Variants in PUM2 observed in about 807,000 individuals in gnomAD.
The protein encoded by PUM2 is pumilio RNA binding family member 2, also known as pumilio homolog 2.
Under a neutral mutation model 124.5 loss-of-function variants are expected in PUM2, and 57 were observed. The ratio of observed to expected loss-of-function variants is 0.46; its 90% CI spans 0.37 to 0.57. The LOEUF is 0.57. Ranked by LOEUF, PUM2 falls within the 20% of genes least tolerant of loss-of-function variation. The pLI, the probability that PUM2 is intolerant of heterozygous loss-of-function variation, is 0.00. For synonymous variants in PUM2, 460 were observed against 446.1 expected, an observed-to-expected ratio of 1.03 and a Z score of -0.39; for missense variants, 1,065 against 1,290.6, an observed-to-expected ratio of 0.83 and a Z score of 2.68.
chr2:20,314,583 T>C (rs371896627), intron 3 of PUM2, among the ~76,000 whole-genome samples: 21 of 152,194 alleles, frequency 1.4e-4, no homozygotes, highest in South Asian at 8.3e-4. Flanking sequence ...TACTCAATAT[T>C]TAAACTATTG....
At chr2:20,252,986 T>C (rs1663820207) in intron 20 of PUM2, among the ~76,000 whole-genome samples, 1 of 152,222 alleles carries the variant, frequency 6.6e-6, no homozygotes, top group Non-Finnish European at 1.5e-5. Flanking sequence ...GATGAGTATA[T>C]GGGAGGATAT....
chr2:20,327,211 C>T, intron 2 of PUM2, 99 bp downstream of exon 2: 2 of 775,800 alleles, frequency 2.6e-6, no homozygotes, highest in Non-Finnish European at 4.4e-6. Flanking sequence ...GAAGATATGA[C>T]CACTATTTCC....
chr2:20,252,911 TATC>T (rs1663794390), intron 20 of PUM2, among the ~76,000 whole-genome samples: 1 of 152,238 alleles, frequency 6.6e-6, no homozygotes, highest in Non-Finnish European at 1.5e-5. Flanking sequence ...ATTTTTTACT[TATC>T]ATTACAGTAT....
intron 8 of PUM2, among the ~76,000 whole-genome samples, chr2:20,295,739 C>T (rs1675377833): frequency 6.6e-6 from 1 of 152,282 alleles, no homozygotes; most frequent in South Asian, 2.1e-4. Context: ...CTCATCCAAC[C>T]TAGCCAGGAG....
Position 20,263,357 on chromosome 2 carries a change from G to A in PUM2, c.2061C>T (p.Ser687=). The A allele has an allele frequency of 6.2e-7, 1 of 1,614,168 alleles. No individual in the cohort carries two copies. Among genetic ancestry groups the A allele is most frequent in the South Asian group, 1.1e-5 (1 of 91,082 alleles). ...GAAGCCGGGAAGGAGGAAAGAGCTG[G>A]CTGCTGGAGCTAAATAGACTGGAAG... The part of the protein sequence containing the change: ...SSTSSLFSSS[S]QLFPPSRLRY... Residue 687 remains serine, a synonymous_variant, in exon 14 of 21, where the codon AGC becomes AGT. Transcript: ENST00000361078.
At chr2:20,314,407 A>G (rs993186695) in intron 3 of PUM2, among the ~76,000 whole-genome samples, 3 of 152,178 alleles carry the variant, frequency 2.0e-5, no homozygotes, top group African/African-American at 7.2e-5. Flanking sequence ...TTTTTTCTCC[A>G]TACTTTTGCA....
intron 14 of PUM2, among the ~76,000 whole-genome samples, chr2:20,262,952 C>T (rs569472239): frequency 6.6e-6 from 1 of 152,044 alleles, no homozygotes; most frequent in African/African-American, 2.4e-5. Flanking sequence ...ATGGAGGGGG[C>T]CCTGCTATAT....
upstream of PUM2, chr2:20,350,850 C>A (rs181811042): frequency 4.2e-6 from 4 of 960,880 alleles, no homozygotes; most frequent in Admixed American, 6.2e-5. Context: ...CCCCTCCCCC[C>A]CGCCCACCGG....
chr2:20,350,491 C>T, intron 1 of PUM2, 106 bp downstream of exon 1: 3 of 985,598 alleles, frequency 3.0e-6, no homozygotes, highest in Non-Finnish European at 3.6e-6. Flanking sequence ...CCCTATCCGC[C>T]CTCCCGCTGG....
intron 15 of PUM2, among the ~76,000 whole-genome samples, chr2:20,260,036 G>T (rs1339353707): frequency 6.6e-6 from 1 of 152,126 alleles, no homozygotes; most frequent in Non-Finnish European, 1.5e-5. Flanking sequence ...GATTAGTAAG[G>T]ATGTTGAGCA....
chr2:20,308,367 T>C lies in PUM2; in HGVS notation c.736A>G (p.Met246Val), dbSNP rs769490502. The change falls in exon 6 of 21, where the codon ATG (methionine) becomes GTG (valine). Residue 246 changes from methionine (M) to valine (V), a missense_variant. Around this residue, in one of 3 missense-constraint regions of PUM2, gnomAD observed 968 missense variants for 1,159.8 expected, o/e 0.83. Transcript: ENST00000361078. ...QFDYPGNQVP[M>V]DSSGATVGLF... is the part of the protein sequence containing the mutation. ...CCTACAGTAGCTCCTGAAGAGTCCATTGGTACCTGATTACCAGGATAGTCA... is the reference window on the plus strand; with the variant it reads ...CCTACAGTAGCTCCTGAAGAGTCCACTGGTACCTGATTACCAGGATAGTCA... 3.0e-5 allele frequency: 48 copies of C among 1,613,922 alleles called. No homozygotes were observed. Among genetic ancestry groups the C allele is most frequent in the South Asian group, 2.1e-4 (19 of 91,078 alleles).
At chr2:20,338,721 G>A (rs189607237) in intron 1 of PUM2, among the ~76,000 whole-genome samples, 3 of 152,300 alleles carry the variant, frequency 2.0e-5, no homozygotes, top group Non-Finnish European at 4.4e-5. Context: ...TAAGGATATA[G>A]TAATAGGGAA....
In PUM2 at chr2:20,350,756, T is replaced by A; in HGVS notation, c.-178A>T. On this transcript the variant is annotated 5_prime_UTR_variant, in exon 1 of 21. Transcript: ENST00000361078. ...CCCCCACCCCACCTCCTCCTTCTCC[T>A]CCCCCTCCTCCTCCGAACCACCGAA... The A allele has an allele frequency of 1.3e-6, 1 of 776,046 alleles. No individual in the cohort carries two copies. Among genetic ancestry groups the A allele is most frequent in the Non-Finnish European group, 1.4e-6 (1 of 692,270 alleles). 48.1% of individuals were successfully genotyped at this position (776,046 alleles called of 1,614,324 possible).
chr2:20,325,147 G>C (rs1683361029), intron 2 of PUM2, among the ~76,000 whole-genome samples: 1 of 152,122 alleles, frequency 6.6e-6, no homozygotes, highest in South Asian at 2.1e-4. Flanking sequence ...AGATAGAAAG[G>C]CTTGTGGGAG....
chr2:20,311,377 C>T (rs919853046), intron 5 of PUM2, 117 bp downstream of exon 5: 37 of 1,202,964 alleles, frequency 3.1e-5, no homozygotes, highest in Admixed American at 3.0e-4. Context: ...TCCAGATTAA[C>T]ACAAAGTTCA....
chr2:20,296,429 A>G (rs1198597095), intron 8 of PUM2, among the ~76,000 whole-genome samples: 2 of 151,714 alleles, frequency 1.3e-5, no homozygotes, highest in Non-Finnish European at 1.5e-5. Flanking sequence ...CGGGAGGCGG[A>G]GCTTGCAGTG....
chr2:20,351,719 T>G (rs1156960423), upstream of PUM2, among the ~76,000 whole-genome samples: 1 of 152,200 alleles, frequency 6.6e-6, no homozygotes, highest in African/African-American at 2.4e-5. Context: ...CTTGATGGTT[T>G]GTTTGCACAG....
At chr2:20,296,242 TC>T (rs1343527324) in intron 8 of PUM2, among the ~76,000 whole-genome samples, 1 of 152,188 alleles carries the variant, frequency 6.6e-6, no homozygotes, top group Admixed American at 6.5e-5. Context: ...ACGCCTGTAA[TC>T]CCAGCACTTT....
chr2:20,305,516 C>G (rs976689376), intron 7 of PUM2, among the ~76,000 whole-genome samples: 1 of 116,360 alleles, frequency 8.6e-6, no homozygotes, highest in African/African-American at 3.2e-5. Flanking sequence ...TTTTGTGAAG[C>G]AAGAATGCTG....
Sources: gnomAD v4.1 joint callset for allele counts (sites outside exome capture counted in the v4.1 genomes callset) on GRCh38, gnomAD v4.1.1 for gene constraint, gnomAD v4.1.1 regional missense constraint, MANE v1.5 for transcripts, NCBI Gene and HGNC (gene_info 2026-07-23, HGNC 2026-07-21) for gene names.